Variants in OTUD7B observed in about 807,000 individuals in gnomAD.
The protein encoded by OTUD7B is OTU domain-containing protein 7B.
In OTUD7B, 34 loss-of-function variants were observed where a neutral mutation model predicts 82.2. The observed-to-expected ratio is 0.41, with a 90% CI of 0.31 to 0.55. The LOEUF (loss-of-function observed/expected upper bound fraction) is 0.55. Ranked by LOEUF, OTUD7B falls within the 20% of genes least tolerant of loss-of-function variation. The pLI, the probability that OTUD7B is intolerant of heterozygous loss-of-function variation, is 0.20. For missense variants in OTUD7B, 944 were observed against 1,062.1 expected (o/e 0.89, Z 1.55); for synonymous variants, 398 against 402.7 (o/e 0.99, Z 0.14).
intron 2 of OTUD7B, 70 bp from the exon 3 acceptor site, chr1:149,971,321 TC>T: frequency 9.1e-7 from 1 of 1,101,410 alleles, no homozygotes; most frequent in Non-Finnish European, 1.3e-6. Flanking sequence ...ACACTAACTA[TC>T]CTATCAAAAC....
At chr1:149,982,041 C>T (rs1340339464) in intron 1 of OTUD7B, among the ~76,000 whole-genome samples, 2 of 151,812 alleles carry the variant, frequency 1.3e-5, no homozygotes, top group African/African-American at 4.8e-5. Flanking sequence ...CCCAGCTACC[C>T]GGGAGGCTGA....
chr1:149,950,107 G>A lies in OTUD7B; in HGVS notation c.960C>T (p.Asp320=). ...IVVVADTMLR[D]SGGEAFAPIP... ...TGGCTGACTCACCTTCCCCTCCGGA[G>A]TCCCTCAGCATGGTGTCTGCCACGA... The change falls in exon 8 of 12, where the codon GAC becomes GAT. Residue 320 remains aspartate, a synonymous_variant. Coordinates refer to ENST00000581312, the MANE Select transcript of OTUD7B (RefSeq NM_020205.4). The A allele has an allele frequency of 1.2e-6, 2 of 1,614,050 alleles. No homozygotes were observed. Among genetic ancestry groups the A allele is most frequent in the South Asian group, 1.1e-5 (1 of 91,082 alleles).
chr1:149,965,660 G>A (rs782665565), intron 5 of OTUD7B, 117 bp downstream of exon 5: 11 of 717,216 alleles, frequency 1.5e-5, no homozygotes, highest in African/African-American at 3.5e-5. Context: ...GCACAATCTC[G>A]CTCTGAACCA....
At position 149,948,958 on chromosome 1, in the gene OTUD7B, G is replaced by A. The variant is rs187571555; in HGVS notation, c.1238+11C>T. ...AGCACAAAATAGATGAAAAGACTAGGCCTGGCTTACCTGGCCAATCGGACA... is the reference window on the plus strand; with the variant it reads ...AGCACAAAATAGATGAAAAGACTAGACCTGGCTTACCTGGCCAATCGGACA... On this transcript the variant is annotated intron_variant, in intron 10 of 11. Transcript: ENST00000581312. The A allele has an allele frequency of 1.3e-6, 2 of 1,538,080 alleles. No individual in the cohort carries two copies. The highest frequency in any genetic ancestry group is 2.7e-5 in the African/African-American group (2 of 73,260).
chr1:149,967,555 C>G (rs1235936241), intron 3 of OTUD7B, 34 bp from the exon 4 acceptor site: 4 of 1,507,806 alleles, frequency 2.7e-6, no homozygotes, highest in Non-Finnish European at 3.6e-6. Context: ...TTAGAACATA[C>G]ACAGCCCACT....
Position 149,945,175 on chromosome 1 carries a change from G to A in OTUD7B, c.1324-110C>T, listed in dbSNP as rs587686525. The A allele has an allele frequency of 3.5e-6, 5 of 1,421,282 alleles. No individual in the cohort carries two copies. In the African/African-American group the frequency reaches 4.3e-5, roughly 12 times the overall value. 88.0% of individuals were successfully genotyped at this position (1,421,282 alleles called of 1,614,324 possible). A position where few individuals can be genotyped will look rare whatever the true frequency, so the allele number is the denominator to read the frequency against. ...GGCTCAGGGAGCTCCCTGCAGCCATGGCTATAGAAATTAGCCAGGTAGAAA... is the reference window on the plus strand; with the variant it reads ...GGCTCAGGGAGCTCCCTGCAGCCATAGCTATAGAAATTAGCCAGGTAGAAA... On this transcript the variant is annotated intron_variant, in intron 11 of 11. Transcript: ENST00000581312.
rs2092743784 is a variant in OTUD7B, at chr1:149,938,780, A to AAAAAC, written c.*5076_*5077insGTTTT. ...AACTAAAAAAAAAAAAAAAAAAAAA[A>AAAAAC]ATTAAGCCAGGCATGGTGGTAGGCT... On this transcript the variant is annotated 3_prime_UTR_variant, in exon 12 of 12. Transcript: ENST00000581312. The AAAAAC allele has an allele frequency of 9.2e-4, 1 of 1,084 alleles. No individual in the cohort carries two copies. Among genetic ancestry groups the AAAAAC allele is most frequent in the African/African-American group, 7.6e-3 (1 of 132 alleles). The allele number at this position is 1,084 out of a possible 1,614,324, so 0.1% of individuals were successfully genotyped here.
chr1:150,054,861 G>T, the OTUD7B span: 1 of 178,908 alleles, frequency 5.6e-6, no homozygotes, highest in South Asian at 9.5e-5. Context: ...CCAGGAACGT[G>T]ACATGTTCCA....
In OTUD7B at chr1:149,944,685, C is replaced by A. The variant is rs200362140; in HGVS notation, c.1704G>T (p.Gly568=). ...GGGGCTTCTCAGACACAGGCCCATC[C>A]CCAGCTGCCTCCTCCTTGCCACCCT... ...SWKGGKEEAA[G]DGPVSEKPPA... is the part of the protein sequence containing the mutation. Residue 568 remains glycine (G), a synonymous_variant, in exon 12 of 12, where the codon GGG becomes GGT. Coordinates refer to ENST00000581312, the MANE Select transcript of OTUD7B (RefSeq NM_020205.4). 7 of 1,613,838 alleles carry A rather than the reference C, an allele frequency of 4.3e-6. No homozygotes were observed. In the South Asian group the frequency reaches 7.7e-5, roughly 18 times the overall value.
the OTUD7B span, among the ~76,000 whole-genome samples, chr1:150,060,075 A>G: frequency 6.6e-6 from 1 of 152,222 alleles, no homozygotes; most frequent in African/African-American, 2.4e-5. Flanking sequence ...CCTATTTAAT[A>G]TTGGCATATA....
chr1:150,011,302 A>T (rs1157449159), upstream of OTUD7B, among the ~76,000 whole-genome samples: 2 of 152,198 alleles, frequency 1.3e-5, no homozygotes, highest in Non-Finnish European at 2.9e-5. Flanking sequence ...AAAAACTTAC[A>T]TAGTGCGTTT....
chr1:149,946,153 C>T (rs181975719), intron 11 of OTUD7B, among the ~76,000 whole-genome samples: 170 of 151,530 alleles, frequency 1.1e-3, no homozygotes, highest in African/African-American at 4.0e-3. Context: ...CCAAGGCAGG[C>T]GGATCACAAG....
At chr1:150,062,872 G>T in the OTUD7B span, among the ~76,000 whole-genome samples, 1 of 151,214 alleles carries the variant, frequency 6.6e-6, no homozygotes, top group Non-Finnish European at 1.5e-5. Flanking sequence ...GCACCACCAC[G>T]CCCGGCTAAT....
chr1:150,032,397 T>C, the OTUD7B span, among the ~76,000 whole-genome samples: 1 of 139,140 alleles, frequency 7.2e-6, no homozygotes, highest in Non-Finnish European at 1.5e-5. Context: ...GGCGGCTAAA[T>C]TGGGAGGACT....
At chr1:149,957,143 G>T (rs1553774739) in intron 7 of OTUD7B, among the ~76,000 whole-genome samples, 1 of 151,876 alleles carries the variant, frequency 6.6e-6, no homozygotes, top group African/African-American at 2.4e-5. Flanking sequence ...CAGCTTTTCT[G>T]CTCTGGTTTC....
chr1:149,946,778 C>T (rs1485304025), intron 11 of OTUD7B, among the ~76,000 whole-genome samples: 3 of 131,688 alleles, frequency 2.3e-5, no homozygotes, highest in African/African-American at 5.9e-5. Context: ...AAAGGCCAGG[C>T]GCGGTGGCTC....
Position 149,965,832 on chromosome 1 carries a change from C to T in OTUD7B, c.549G>A (p.Leu183=), listed in dbSNP as rs1553776454. The T allele has an allele frequency of 6.2e-7, 1 of 1,614,036 alleles. No homozygotes were observed. Among genetic ancestry groups the T allele is most frequent in the Non-Finnish European group, 8.5e-7 (1 of 1,179,952 alleles). Residue 183 remains leucine (L), a synonymous_variant, in exon 5 of 12, where the codon CTG becomes CTA. Coordinates refer to ENST00000581312, the MANE Select transcript of OTUD7B (RefSeq NM_020205.4). The part of the protein sequence containing the change: ...WVSVDPTSQR[L]LPLATTGDGN... Reference sequence around the variant, plus strand: ...CATCTCCAGTAGTTGCCAAAGGAAGCAGCCTCTGAGAGGTGGGATCCACAC... The same window carrying T: ...CATCTCCAGTAGTTGCCAAAGGAAGTAGCCTCTGAGAGGTGGGATCCACAC...
chr1:150,025,376 T>C, the OTUD7B span, among the ~76,000 whole-genome samples: 3 of 150,110 alleles, frequency 2.0e-5, no homozygotes, highest in East Asian at 6.0e-4. Flanking sequence ...GATCGTGCCA[T>C]TGCACTCCAG....
chr1:149,993,614 C>G (rs1651742121), intron 1 of OTUD7B, among the ~76,000 whole-genome samples: 1 of 152,156 alleles, frequency 6.6e-6, no homozygotes, highest in African/African-American at 2.4e-5. Context: ...ATGTGTTCCT[C>G]TCCAAGAATG....
Sources: gnomAD v4.1 joint callset for allele counts (sites outside exome capture counted in the v4.1 genomes callset) on GRCh38, gnomAD v4.1.1 for gene constraint, MANE v1.5 for transcripts, NCBI Gene and HGNC (gene_info 2026-07-23, HGNC 2026-07-21) for gene names.